FGGY: variants seen among roughly 807,000 people sequenced by gnomAD.
FGGY encodes the protein FGGY carbohydrate kinase domain containing.
A neutral mutation model predicts 71.3 loss-of-function variants in FGGY; 72 were observed. The ratio of observed to expected loss-of-function variants is 1.01; its 90% CI spans 0.84 to 1.23. FGGY has a LOEUF of 1.23. Ranked by LOEUF, FGGY falls within the 50% of genes most tolerant of loss-of-function variation. The pLI, the probability that FGGY is intolerant of heterozygous loss-of-function variation, is 0.00. For synonymous variants in FGGY, 251 were observed against 250.3 expected (o/e 1.00, Z -0.02); for missense variants, 668 against 682.3 (o/e 0.98, Z 0.23).
intron 14 of FGGY, among the ~76,000 whole-genome samples, chr1:59,708,507 A>G (rs2097771570): frequency 6.6e-6 from 1 of 152,134 alleles, no homozygotes. Flanking sequence ...CTCAATCTCT[A>G]AGGTGCAGGT....
chr1:59,539,388 G>T (rs1454196811), intron 7 of FGGY, among the ~76,000 whole-genome samples: 1 of 152,144 alleles, frequency 6.6e-6, no homozygotes, highest in Non-Finnish European at 1.5e-5. Flanking sequence ...AATTAAGAAT[G>T]GTATTGAGGG....
At position 59,699,470 on chromosome 1, in the gene FGGY, C is replaced by G. The variant is rs74087811; in HGVS notation, c.1512+25337C>G. The G allele has an allele frequency of 6.9e-4, 619 of 895,738 alleles. 3 individuals carry two copies. The African/African-American group carries it at 0.01, about 15-fold the overall frequency. The allele number at this position is 895,738 out of a possible 1,614,324, so 55.5% of individuals were successfully genotyped here. On this transcript the variant is annotated intron_variant, in intron 14 of 15. Coordinates refer to ENST00000303721, the MANE Select transcript of FGGY (RefSeq NM_018291.5). ...AGAACATTGCATGGGCTGCTAAAAT[C>G]TCAAAAACAACCCCTCTGCTCTTTT...
chr1:59,685,038 G>T (rs553912285), intron 14 of FGGY, among the ~76,000 whole-genome samples: 1 of 152,282 alleles, frequency 6.6e-6, no homozygotes, highest in African/African-American at 2.4e-5. Flanking sequence ...CTCGCCTAAG[G>T]TCATCTAGAT....
At chr1:59,428,176 A>C (rs1259955220) in intron 5 of FGGY, among the ~76,000 whole-genome samples, 1 of 152,256 alleles carries the variant, frequency 6.6e-6, no homozygotes, top group Non-Finnish European at 1.5e-5. Flanking sequence ...TAGAGGGATC[A>C]TGAAACATTT....
At chr1:59,321,275 A>C (rs2153125538) in intron 1 of FGGY, among the ~76,000 whole-genome samples, 1 of 152,264 alleles carries the variant, frequency 6.6e-6, no homozygotes, top group East Asian at 1.9e-4. Flanking sequence ...ACTTTGCCTA[A>C]ATAATTATGT....
chr1:59,645,999 C>T (rs895315517), intron 11 of FGGY, among the ~76,000 whole-genome samples: 2 of 152,138 alleles, frequency 1.3e-5, no homozygotes, highest in African/African-American at 4.8e-5. Context: ...ATGTGGGAGA[C>T]CAGGAGAGAG....
intron 14 of FGGY, among the ~76,000 whole-genome samples, chr1:59,747,819 T>G (rs2098213040): frequency 6.6e-6 from 1 of 152,194 alleles, no homozygotes; most frequent in Non-Finnish European, 1.5e-5. Flanking sequence ...TTTTAGGGCT[T>G]TACAGGGCCC....
chr1:59,747,968 C>T (rs1044316013), intron 14 of FGGY, among the ~76,000 whole-genome samples: 7 of 152,142 alleles, frequency 4.6e-5, no homozygotes, highest in African/African-American at 1.7e-4. Flanking sequence ...CCTTTACTAG[C>T]TTAAGCAAGT....
chr1:59,297,691 C>CG (rs1440997761), intron 1 of FGGY, among the ~76,000 whole-genome samples: 2 of 151,910 alleles, frequency 1.3e-5, no homozygotes, highest in African/African-American at 4.8e-5. Flanking sequence ...GGCGTGGTGG[C>CG]GGGCGCCTGC....
At chr1:59,477,347 AC>A (rs984506753) in intron 6 of FGGY, among the ~76,000 whole-genome samples, 5 of 152,024 alleles carry the variant, frequency 3.3e-5, no homozygotes, top group African/African-American at 1.2e-4. Flanking sequence ...GTTTCCCAGC[AC>A]CAGCTAACCT....
intron 4 of FGGY, among the ~76,000 whole-genome samples, chr1:59,366,588 C>T (rs932258981): frequency 2.0e-5 from 3 of 152,054 alleles, no homozygotes; most frequent in African/African-American, 4.8e-5. Flanking sequence ...AGGCTTATTA[C>T]GTTATTGTCA....
intron 8 of FGGY, among the ~76,000 whole-genome samples, chr1:59,580,543 A>G (rs192916291): frequency 5.3e-5 from 8 of 152,276 alleles, no homozygotes; most frequent in African/African-American, 1.9e-4. Flanking sequence ...TTTTGCTTTA[A>G]TCAAGTTTGT....
At chr1:59,435,146 A>G (rs1242928646) in intron 5 of FGGY, among the ~76,000 whole-genome samples, 1 of 152,208 alleles carries the variant, frequency 6.6e-6, no homozygotes, top group African/African-American at 2.4e-5. Context: ...ACAAATGACA[A>G]CTTGTATTTA....
intron 8 of FGGY, among the ~76,000 whole-genome samples, chr1:59,599,910 A>G (rs1297636009): frequency 2.6e-5 from 4 of 152,044 alleles, no homozygotes; most frequent in African/African-American, 9.7e-5. Flanking sequence ...AACATAGGGG[A>G]TTTCAGGAGA....
intron 14 of FGGY, among the ~76,000 whole-genome samples, chr1:59,757,037 G>T (rs1413513138): frequency 3.3e-5 from 5 of 151,974 alleles, no homozygotes; most frequent in Admixed American, 6.6e-5. Flanking sequence ...TGTAGAATAA[G>T]AAGTTGTACA....
intron 14 of FGGY, among the ~76,000 whole-genome samples, chr1:59,719,980 T>C (rs1437766601): frequency 2.2e-4 from 33 of 152,186 alleles, no homozygotes; most frequent in Non-Finnish European, 2.9e-5. Context: ...AGAATGCCTT[T>C]ATATAACTTT....
chr1:59,600,805 A>G (rs6704392), intron 8 of FGGY, among the ~76,000 whole-genome samples: 27,113 of 152,136 alleles, frequency 0.18, 2,899 homozygotes, highest in South Asian at 0.35. Context: ...CAAGTTTGTC[A>G]GACTCCTAAG....
At chr1:59,728,253 T>G (rs2100836428) in intron 14 of FGGY, among the ~76,000 whole-genome samples, 1 of 152,220 alleles carries the variant, frequency 6.6e-6, no homozygotes, top group East Asian at 1.9e-4. Context: ...ATGTTTAATC[T>G]AAGTCTGGCT....
intron 8 of FGGY, among the ~76,000 whole-genome samples, chr1:59,587,407 T>A (rs77274980): frequency 0.11 from 16,024 of 148,806 alleles, 1,291 homozygotes; most frequent in South Asian, 0.28. Context: ...CCCTGCCGAC[T>A]TAAATGTCCC....
Sources: allele counts gnomAD v4.1 joint callset (sites outside exome capture counted in the v4.1 genomes callset), GRCh38; gene constraint gnomAD v4.1.1; transcripts MANE v1.5; gene names NCBI Gene and HGNC (gene_info 2026-07-23, HGNC 2026-07-21).